ZNF548: variants seen among roughly 807,000 people sequenced by gnomAD.
The protein encoded by ZNF548 is zinc finger protein 548.
ZNF548 carries 10 observed loss-of-function variants against 10.2 expected under a neutral mutation model. The observed-to-expected ratio is 0.98, with a 90% confidence interval of 0.60 to 1.66. The LOEUF (loss-of-function observed/expected upper bound fraction) is 1.66. ZNF548 is among the 40% of genes most tolerant of loss of function. ZNF548 has a pLI of 0.00. For missense variants in ZNF548, 599 were observed against 657.0 expected, an observed-to-expected ratio of 0.91 and a Z score of 0.97; for synonymous variants, 217 against 223.5, an observed-to-expected ratio of 0.97 and a Z score of 0.26.
At chr19:57,392,909 G>T in intron 1 of ZNF548, 8 of 985,544 alleles carry the variant, frequency 8.1e-6, no homozygotes, top group Non-Finnish European at 9.6e-6. Context: ...GCATAACAGG[G>T]ATTCTGGATT....
Position 57,390,073 on chromosome 19 carries a change from C to T in ZNF548, c.-27C>T, listed in dbSNP as rs752398216. The T allele has an allele frequency of 1.2e-5, 19 of 1,608,444 alleles. No individual in the cohort carries two copies. The African/African-American group carries it at 2.0e-4, about 17-fold the overall frequency. On this transcript the variant is annotated 5_prime_UTR_variant, in exon 1 of 4. Transcript: ENST00000336128. ...TTTGTCGCTCCCGCCCCGCTCTTCCCTGGCTGGGCTGGCGGAGGCCTTGCT... is the reference window on the plus strand; with the variant it reads ...TTTGTCGCTCCCGCCCCGCTCTTCCTTGGCTGGGCTGGCGGAGGCCTTGCT...
At chr19:57,392,091 G>T (rs1017654710) in intron 1 of ZNF548, among the ~76,000 whole-genome samples, 3 of 150,414 alleles carry the variant, frequency 2.0e-5, no homozygotes, top group Non-Finnish European at 4.4e-5. Flanking sequence ...GAGCCACCGC[G>T]CCCAGCCCTG....
intron 2 of ZNF548, among the ~76,000 whole-genome samples, chr19:57,394,504 C>T (rs1162302415): frequency 1.3e-5 from 2 of 152,150 alleles, no homozygotes; most frequent in Non-Finnish European, 2.9e-5. Flanking sequence ...CTGCAAATGT[C>T]TGTTACATCT....
chr19:57,401,761 C>G lies in ZNF548; in HGVS notation c.*1872C>G, dbSNP rs556261756. ...CTTTTTTTTTTTTTTCTTTTGGAGG[C>G]AGAGTCTTGCTCTGTCACCCAGCCT... On this transcript the variant is annotated 3_prime_UTR_variant, in exon 4 of 4. Coordinates refer to ENST00000336128, the MANE Select transcript of ZNF548 (RefSeq NM_001172773.2). 6.8e-6 allele frequency: 1 copy of G among 147,768 alleles called. No individual in the cohort carries two copies. The highest frequency in any genetic ancestry group is 2.0e-4 in the East Asian group (1 of 5,104). 9.2% of individuals were successfully genotyped at this position (147,768 alleles called of 1,614,324 possible).
At position 57,399,966 on chromosome 19, in the gene ZNF548, C is replaced by T. The variant is rs2088702073; in HGVS notation, c.*77C>T. 3 of 1,232,962 alleles carry T rather than the reference C, an allele frequency of 2.4e-6. No individual in the cohort carries two copies. Among genetic ancestry groups the T allele is most frequent in the South Asian group, 3.2e-5 (2 of 63,452 alleles). 76.4% of individuals were successfully genotyped at this position (1,232,962 alleles called of 1,614,324 possible). A position where few individuals can be genotyped will look rare whatever the true frequency, so the allele number is the denominator to read the frequency against. On this transcript the variant is annotated 3_prime_UTR_variant, in exon 4 of 4. Coordinates refer to ENST00000336128, the MANE Select transcript of ZNF548 (RefSeq NM_001172773.2). This position sits in a 1 kb window ranked among gnomAD's most constrained non-coding sequence, Gnocchi z 4.0. ...AATCTCCAGAACATTTTTCCTCTTA[C>T]CAAGAAGTAAAATGCTGTACCCATT...
In ZNF548 at chr19:57,399,880, T is replaced by C; in HGVS notation, c.1629T>C (p.Val543=). 2 of 1,591,508 alleles carry C rather than the reference T, an allele frequency of 1.3e-6. No homozygotes were observed. The highest frequency in any genetic ancestry group is 8.6e-7 in the Non-Finnish European group (1 of 1,165,642). Residue 543 remains valine (V), a synonymous_variant, in exon 4 of 4, where the codon GTT becomes GTC. Coordinates refer to ENST00000336128, the MANE Select transcript of ZNF548 (RefSeq NM_001172773.2). The surrounding 1 kb of genome is among the most constrained non-coding windows in gnomAD (Gnocchi z 4.0). ...LNIRDFTMEK[V]YH ...TCAGAGATTTCACAATGGAGAAAGT[T>C]TACCATTGACTATTGTAATTGGGTA...
chr19:57,393,731 G>T (rs1302717645), intron 1 of ZNF548, among the ~76,000 whole-genome samples: 2 of 143,276 alleles, frequency 1.4e-5, no homozygotes, highest in Non-Finnish European at 3.1e-5. Flanking sequence ...GGGGAGGGGA[G>T]GGGAGAAAGT....
rs1192756267 is a variant in ZNF548, at chr19:57,402,387, A to G, written c.*2498A>G. The G allele has an allele frequency of 1.3e-5, 2 of 152,198 alleles. No individual in the cohort carries two copies. Among genetic ancestry groups the G allele is most frequent in the Admixed American group, 6.5e-5 (1 of 15,274 alleles). 9.4% of individuals were successfully genotyped at this position (152,198 alleles called of 1,614,324 possible). On this transcript the variant is annotated 3_prime_UTR_variant, in exon 4 of 4. Coordinates refer to ENST00000336128, the MANE Select transcript of ZNF548 (RefSeq NM_001172773.2). ...TACTCAAATTAGCCAATCCATGGGG[A>G]ACATGGAAAACGTAGCTAATGCAAT...
intron 1 of ZNF548, chr19:57,390,488 G>A (rs1156655623): frequency 4.7e-6 from 1 of 214,284 alleles, no homozygotes; most frequent in Admixed American, 5.6e-5. Context: ...AACCAGGTTA[G>A]GAATGGACAC....
At chr19:57,393,229 C>T (rs968979395) in intron 1 of ZNF548, among the ~76,000 whole-genome samples, 2 of 152,192 alleles carry the variant, frequency 1.3e-5, no homozygotes, top group African/African-American at 4.8e-5. Context: ...AGTACCTGAC[C>T]TGCCTACTCT....
intron 3 of ZNF548, among the ~76,000 whole-genome samples, chr19:57,397,941 A>T (rs78738681): frequency 6.6e-6 from 1 of 152,064 alleles, no homozygotes; most frequent in East Asian, 1.9e-4. Flanking sequence ...TGCACCTCCA[A>T]TGCCCCACAG....
chr19:57,390,270 C>A, intron 1 of ZNF548, 156 bp downstream of exon 1: 1 of 743,782 alleles, frequency 1.3e-6, no homozygotes, highest in South Asian at 2.3e-5. Flanking sequence ...TCAGAGCTCC[C>A]GTTAGGGACC....
chr19:57,392,876 C>G (rs1437056019), intron 1 of ZNF548: 1 of 985,512 alleles, frequency 1.0e-6, no homozygotes. Flanking sequence ...ACATCATACT[C>G]TGTCCAGAAC....
rs756473596 is a variant in ZNF548, at chr19:57,394,239, C to T, written c.51+16C>T. The T allele has an allele frequency of 2.5e-6, 4 of 1,600,906 alleles. No homozygotes were observed. The highest frequency in any genetic ancestry group is 3.4e-6 in the Non-Finnish European group (4 of 1,178,582). ...CCCTACACAGGTGAGTAGAGTGTTT[C>T]CTACTATTCACCCACCCTGGTTATC... On this transcript the variant is annotated intron_variant, in intron 2 of 3. Transcript: ENST00000336128.
chr19:57,400,763 A>AT lies in ZNF548; in HGVS notation c.*879dup, dbSNP rs1199252092. The AT allele has an allele frequency of 6.6e-6, 1 of 151,944 alleles. No individual in the cohort carries two copies. The highest frequency in any genetic ancestry group is 1.5e-5 in the Non-Finnish European group (1 of 68,010). The allele number at this position is 151,944 out of a possible 1,614,324, so 9.4% of individuals were successfully genotyped here. ...TTCTATTTTTAATATTTTTGGGAAA[A>AT]TTTTTCCATAGTACCTGTGCCATTT... On this transcript the variant is annotated 3_prime_UTR_variant, in exon 4 of 4. Transcript: ENST00000336128.
rs779166238 is a variant in ZNF548 at position 57,399,391 on chromosome 19, T to C, written c.1140T>C (p.Ser380=). 6.2e-6 allele frequency: 10 copies of C among 1,609,610 alleles called. No individual in the cohort carries two copies. The highest frequency in any genetic ancestry group is 5.1e-6 in the Non-Finnish European group (6 of 1,178,678). The change falls in exon 4 of 4, where the codon AGT becomes AGC. Residue 380 remains serine, a synonymous_variant. Coordinates refer to ENST00000336128, the MANE Select transcript of ZNF548 (RefSeq NM_001172773.2). This position sits in a 1 kb window ranked among gnomAD's most constrained non-coding sequence, Gnocchi z 4.0. The part of the protein sequence containing the change: ...IHTGERPYEC[S]VCGELFRYNS... ...CTGGAGAAAGGCCTTATGAGTGCAG[T>C]GTATGTGGGGAATTGTTTAGGTACA...
chr19:57,394,293 C>A, intron 2 of ZNF548, 70 bp downstream of exon 2: 1 of 1,477,854 alleles, frequency 6.8e-7, no homozygotes, highest in Non-Finnish European at 9.2e-7. Context: ...GGTGACAAAA[C>A]CTCTTTTCCT....
chr19:57,390,180 G>T (rs12460423), intron 1 of ZNF548, 66 bp downstream of exon 1: 306,130 of 1,567,136 alleles, frequency 0.2, 31,800 homozygotes, highest in African/African-American at 0.34. Flanking sequence ...CCCTGAAGGG[G>T]CCCTGCAGGT....
rs1427671729 is a variant in ZNF548, at chr19:57,399,906, G to A, written c.*17G>A. On this transcript the variant is annotated 3_prime_UTR_variant, in exon 4 of 4. Transcript: ENST00000336128. This position sits in a 1 kb window ranked among gnomAD's most constrained non-coding sequence, Gnocchi z 4.0. ...TACCATTGACTATTGTAATTGGGTAGTAATGTTATATAAATTCCACATTTT... is the reference window on the plus strand; with the variant it reads ...TACCATTGACTATTGTAATTGGGTAATAATGTTATATAAATTCCACATTTT... 3 of 1,524,264 alleles carry A rather than the reference G, an allele frequency of 2.0e-6. No individual in the cohort carries two copies. Among genetic ancestry groups the A allele is most frequent in the Non-Finnish European group, 1.8e-6 (2 of 1,132,970 alleles). The allele number at this position is 1,524,264 out of a possible 1,614,324, so 94.4% of individuals were successfully genotyped here. A position where few individuals can be genotyped will look rare whatever the true frequency, so the allele number is the denominator to read the frequency against.
Sources: gnomAD v4.1 joint callset for allele counts (sites outside exome capture counted in the v4.1 genomes callset) on GRCh38, gnomAD v4.1.1 for gene constraint, Gnocchi (gnomAD v3.1) non-coding constraint, MANE v1.5 for transcripts, NCBI Gene and HGNC (gene_info 2026-07-23, HGNC 2026-07-21) for gene names.